The following NLRP5 variants were observed in gnomAD, a reference collection of about 807,000 sequenced individuals.
NLRP5 encodes the protein NACHT, LRR and PYD domains-containing protein 5.
Under a neutral mutation model 113.1 loss-of-function variants are expected in NLRP5, and 93 were observed. The ratio of observed to expected loss-of-function variants is 0.82; its 90% CI spans 0.70 to 0.98. The LOEUF is 0.98. Ranked by LOEUF, NLRP5 falls within the 50% of genes least tolerant of loss-of-function variation. The probability of loss-of-function intolerance (pLI) is 0.00; values close to 1 mark genes in which losing one functional copy is unlikely to be tolerated. For missense variants in NLRP5, 1,808 were observed against 1,514.3 expected (o/e 1.19, Z -3.22); for synonymous variants, 751 against 600.7 (o/e 1.25, Z -3.66).
chr19:56,042,149 C>T (rs7256143), intron 11 of NLRP5, among the ~76,000 whole-genome samples: 11,601 of 152,114 alleles, frequency 0.076, 505 homozygotes, highest in Non-Finnish European at 0.097. Context: ...TGAGCACTCC[C>T]GGTATTGATT....
intron 9 of NLRP5, among the ~76,000 whole-genome samples, chr19:56,037,574 T>C (rs1366828311): frequency 6.6e-6 from 1 of 151,334 alleles, no homozygotes; most frequent in East Asian, 1.9e-4. Flanking sequence ...GCACCTGTAA[T>C]CCCAGCTACT....
intron 6 of NLRP5, among the ~76,000 whole-genome samples, chr19:56,026,403 C>A (rs1982848393): frequency 1.3e-5 from 2 of 151,142 alleles, no homozygotes; most frequent in Non-Finnish European, 2.9e-5. Context: ...TGGCAGGCAC[C>A]TGTAGTCCCA....
At chr19:56,017,602 A>G (rs1184123153) in intron 4 of NLRP5, among the ~76,000 whole-genome samples, 2 of 151,970 alleles carry the variant, frequency 1.3e-5, no homozygotes, top group Non-Finnish European at 2.9e-5. Flanking sequence ...ATCTTATTTC[A>G]TTGTGTTAAG....
At chr19:56,008,210 G>A (rs1383728448) in intron 2 of NLRP5, among the ~76,000 whole-genome samples, 3 of 151,962 alleles carry the variant, frequency 2.0e-5, no homozygotes, top group African/African-American at 7.2e-5. Context: ...TTACAGGCGT[G>A]AGCCACCGCG....
At chr19:56,022,741 T>C (rs1982664036) in intron 6 of NLRP5, among the ~76,000 whole-genome samples, 1 of 152,224 alleles carries the variant, frequency 6.6e-6, no homozygotes, top group Non-Finnish European at 1.5e-5. Context: ...TTTTTTGTTT[T>C]GAGACTGAGT....
At chr19:56,015,032 C>T (rs1205681380) in intron 3 of NLRP5, among the ~76,000 whole-genome samples, 1 of 152,134 alleles carries the variant, frequency 6.6e-6, no homozygotes, top group Non-Finnish European at 1.5e-5. Context: ...AGTCTTCAAC[C>T]CATGGACACA....
chr19:56,013,596 G>GTTTTTTTTGTTTTTTTTTTTTTTTTTT (rs1982287601), intron 3 of NLRP5, among the ~76,000 whole-genome samples: 1 of 59,284 alleles, frequency 1.7e-5, no homozygotes, highest in African/African-American at 8.7e-5. Context: ...GGACATTTGG[G>GTTTTTTTTGTTTTTTTTTTTTTTTTTT]TTTTTTTTTT....
intron 6 of NLRP5, among the ~76,000 whole-genome samples, chr19:56,025,355 G>A (rs1982796963): frequency 6.7e-6 from 1 of 149,202 alleles, no homozygotes; most frequent in African/African-American, 2.4e-5. Context: ...GTTCCAGGCG[G>A]GATCTGTTTG....
chr19:56,006,508 G>A (rs1981919421), intron 2 of NLRP5, among the ~76,000 whole-genome samples: 1 of 151,876 alleles, frequency 6.6e-6, no homozygotes, highest in South Asian at 2.1e-4. Context: ...AAGGTGGGTG[G>A]ATCATTTGAG....
rs1555767859 is a variant in NLRP5, at chr19:56,030,714, C to CTTCTTCTTTTTTTTTTT, written c.2277-1895_2277-1894insCTTCTTTTTTTTTTTTT. Among the ~76,000 whole-genome samples the CTTCTTCTTTTTTTTTTT allele has an allele frequency of 5.9e-4, 42 of 71,360 alleles. 1 individual carries two copies. The highest frequency in any genetic ancestry group is 2.8e-3 in the African/African-American group (39 of 13,970). 46.8% of individuals were successfully genotyped at this position (71,360 alleles called of 152,430 possible). ...ACTTACATTCATTCGCTTTCTTCTT[C>CTTCTTCTTTTTTTTTTT]TTTTTTTTTTTTTTTTTTGAGACGG... On this transcript the variant is annotated intron_variant, in intron 7 of 14. Coordinates refer to ENST00000390649, the MANE Select transcript of NLRP5 (RefSeq NM_153447.4).
Position 56,020,397 on chromosome 19 carries a change from A to C in NLRP5, c.645A>C (p.Gln215His). The change falls in exon 6 of 15, where the codon CAA (glutamine) becomes CAC (histidine). Residue 215 changes from glutamine to histidine, a missense_variant. Physicochemically the swap from Gln to His is conservative, Grantham distance 24. Coordinates refer to ENST00000390649, the MANE Select transcript of NLRP5 (RefSeq NM_153447.4). ...CAGAAATTTCACAAGCTATGGAACA[A>C]GAAGGTGCCACAGCAGCAGAGACAG... The C allele has an allele frequency of 3.7e-6, 6 of 1,613,484 alleles. No individual in the cohort carries two copies. Among genetic ancestry groups the C allele is most frequent in the Non-Finnish European group, 5.1e-6 (6 of 1,179,700 alleles).
At chr19:56,040,776 G>A (rs1983491674) in intron 10 of NLRP5, 146 bp from the exon 11 acceptor site, 1 of 635,726 alleles carries the variant, frequency 1.6e-6, no homozygotes, top group Non-Finnish European at 2.7e-6. Context: ...GCAAGTTAAA[G>A]GCAGAGAGGA....
the NLRP5 span, among the ~76,000 whole-genome samples, chr19:55,994,641 C>G: frequency 6.6e-6 from 1 of 152,240 alleles, no homozygotes; most frequent in Non-Finnish European, 1.5e-5. Flanking sequence ...CATGATCCAC[C>G]TGCCTTGGCC....
intron 9 of NLRP5, among the ~76,000 whole-genome samples, chr19:56,036,711 C>A (rs1001929689): frequency 1.8e-4 from 28 of 152,054 alleles, no homozygotes; most frequent in African/African-American, 6.5e-4. Flanking sequence ...CATCCCAGAA[C>A]TCTGGGAGGC....
chr19:56,021,312 G>C (rs1982608785), intron 6 of NLRP5, among the ~76,000 whole-genome samples: 1 of 152,180 alleles, frequency 6.6e-6, no homozygotes, highest in Non-Finnish European at 1.5e-5. Flanking sequence ...ACTGTTGATT[G>C]AGGCTTTTTT....
intron 12 of NLRP5, among the ~76,000 whole-genome samples, chr19:56,051,461 G>A (rs1983929852): frequency 6.6e-6 from 1 of 152,136 alleles, no homozygotes; most frequent in Non-Finnish European, 1.5e-5. Flanking sequence ...CCAAAGTGCT[G>A]GGATTACAGG....
At chr19:56,047,205 T>G (rs1568500641) in intron 11 of NLRP5, among the ~76,000 whole-genome samples, 1 of 152,238 alleles carries the variant, frequency 6.6e-6, no homozygotes, top group Non-Finnish European at 1.5e-5. Flanking sequence ...TTGTTTCATT[T>G]ATCTTTTGTA....
At chr19:56,000,644 G>C (rs1034940913) in intron 1 of NLRP5, among the ~76,000 whole-genome samples, 1 of 151,868 alleles carries the variant, frequency 6.6e-6, no homozygotes. Flanking sequence ...GATTACAGAC[G>C]TGAGCCACTG....
intron 13 of NLRP5, among the ~76,000 whole-genome samples, chr19:56,056,323 TGA>T (rs367645924): frequency 6.6e-5 from 10 of 151,948 alleles, no homozygotes; most frequent in Non-Finnish European, 1.0e-4. Flanking sequence ...TATGGGAGGC[TGA>T]GGGGGGTGGA....
Sources: gnomAD v4.1 joint callset for allele counts (sites outside exome capture counted in the v4.1 genomes callset) on GRCh38, gnomAD v4.1.1 for gene constraint, MANE v1.5 for transcripts, NCBI Gene and HGNC (gene_info 2026-07-23, HGNC 2026-07-21) for gene names.